PLEKHA6: variants seen among roughly 807,000 people sequenced by gnomAD.
PLEKHA6 encodes pleckstrin homology domain containing A6.
In PLEKHA6, 60 loss-of-function variants were observed where a neutral mutation model predicts 116.7. The ratio of observed to expected loss-of-function variants is 0.51; its 90% CI spans 0.42 to 0.64. The LOEUF (loss-of-function observed/expected upper bound fraction) is 0.64, where lower values mean the gene tolerates loss of function less well. PLEKHA6 is among the 30% of genes least tolerant of loss of function. PLEKHA6 has a pLI of 0.00. For synonymous variants in PLEKHA6, 489 were observed against 556.1 expected (o/e 0.88, Z 1.70); for missense variants, 1,338 against 1,422.7 (o/e 0.94, Z 0.96).
intron 2 of PLEKHA6, among the ~76,000 whole-genome samples, chr1:204,274,133 T>C (rs1667769535): frequency 6.6e-6 from 1 of 151,852 alleles, no homozygotes; most frequent in South Asian, 2.1e-4. Flanking sequence ...GGTGTCACTA[T>C]GTGGCCCAGG....
At chr1:204,302,456 T>C (rs1379799683) in intron 1 of PLEKHA6, among the ~76,000 whole-genome samples, 1 of 152,226 alleles carries the variant, frequency 6.6e-6, no homozygotes, top group Admixed American at 6.5e-5. Context: ...GAGATTCTAA[T>C]CTCTAAGAAT....
At chr1:204,308,486 T>C (rs1354729324) in intron 1 of PLEKHA6, among the ~76,000 whole-genome samples, 2 of 151,742 alleles carry the variant, frequency 1.3e-5, no homozygotes, top group Non-Finnish European at 2.9e-5. Context: ...GGACCACTGA[T>C]TGCAAGAAAA....
chr1:204,229,195 T>G, intron 18 of PLEKHA6, 91 bp from the exon 19 acceptor site: 1 of 1,275,588 alleles, frequency 7.8e-7, no homozygotes, highest in Non-Finnish European at 1.1e-6. Flanking sequence ...CCTTCCCAGC[T>G]CGCCTGATCT....
At chr1:204,234,052 T>C (rs1421652813) in intron 17 of PLEKHA6, among the ~76,000 whole-genome samples, 1 of 152,178 alleles carries the variant, frequency 6.6e-6, no homozygotes, top group Non-Finnish European at 1.5e-5. Context: ...CCCCAATACC[T>C]GTGACTGTAA....
intron 3 of PLEKHA6, among the ~76,000 whole-genome samples, chr1:204,365,160 G>A (rs988531291): frequency 1.3e-5 from 2 of 152,138 alleles, no homozygotes; most frequent in African/African-American, 4.8e-5. Context: ...TGGGAGGTGA[G>A]GCTGGGAAGG....
intron 1 of PLEKHA6, among the ~76,000 whole-genome samples, chr1:204,318,044 G>A (rs992557231): frequency 3.9e-5 from 6 of 152,174 alleles, no homozygotes; most frequent in South Asian, 2.1e-4. Context: ...GTACACGTGC[G>A]TGCATGAATA....
Position 204,245,647 on chromosome 1 carries a change from G to A in PLEKHA6, c.2000C>T (p.Pro667Leu). The change falls in exon 14 of 23, where the codon CCC (proline) becomes CTC (leucine). Residue 667 changes from proline (P) to leucine (L), a missense_variant. Coordinates refer to ENST00000272203, the MANE Select transcript of PLEKHA6 (RefSeq NM_014935.5). ...CTTGGCGGTGTCCGTGCCCCGGGAG[G>A]GGTTGTTCTTCCTCAGCCCCTCCAT... ...DVMEGLRKNN[P>L]SRGTDTAKHR... The A allele has an allele frequency of 1.9e-6, 3 of 1,613,342 alleles. No homozygotes were observed. The highest frequency in any genetic ancestry group is 2.5e-6 in the Non-Finnish European group (3 of 1,179,494).
At chr1:204,341,805 T>C (rs12119223) in intron 1 of PLEKHA6, among the ~76,000 whole-genome samples, 1 of 152,228 alleles carries the variant, frequency 6.6e-6, no homozygotes, top group Non-Finnish European at 1.5e-5. Context: ...AGATTCCAAC[T>C]GTACATATCC....
At chr1:204,304,824 A>G (rs999663749) in intron 1 of PLEKHA6, among the ~76,000 whole-genome samples, 1 of 152,190 alleles carries the variant, frequency 6.6e-6, no homozygotes, top group African/African-American at 2.4e-5. Flanking sequence ...TAGGGCAGGT[A>G]TGGAAGGGAG....
At chr1:204,302,247 G>C (rs1426746765) in intron 1 of PLEKHA6, among the ~76,000 whole-genome samples, 1 of 152,194 alleles carries the variant, frequency 6.6e-6, no homozygotes, top group Non-Finnish European at 1.5e-5. Flanking sequence ...CATGAAGCAA[G>C]TTAGAGACAA....
At chr1:204,331,453 T>A (rs1672446732) in intron 1 of PLEKHA6, among the ~76,000 whole-genome samples, 1 of 152,094 alleles carries the variant, frequency 6.6e-6, no homozygotes, top group South Asian at 2.1e-4. Flanking sequence ...AGCTGGCACC[T>A]CCCAGGCTGC....
chr1:204,230,598 G>A lies in PLEKHA6; in HGVS notation c.2410-12C>T, dbSNP rs891590604. On this transcript the variant is annotated splice_polypyrimidine_tract_variant and intron_variant, in intron 17 of 22. Coordinates refer to ENST00000272203, the MANE Select transcript of PLEKHA6 (RefSeq NM_014935.5). ...CTCTTGGGGCGTTCCTGCTGCCATG[G>A]GAAAACAGGGCTCTGACAAGTGCCT... is the stretch of plus-strand genomic sequence containing the variant. 3 of 1,592,020 alleles carry A rather than the reference G, an allele frequency of 1.9e-6. No homozygotes were observed. The highest frequency in any genetic ancestry group is 2.6e-6 in the Non-Finnish European group (3 of 1,168,920).
chr1:204,374,149 C>T (rs752810770), intron 1 of PLEKHA6, among the ~76,000 whole-genome samples: 7 of 152,184 alleles, frequency 4.6e-5, no homozygotes, highest in African/African-American at 1.4e-4. Context: ...TGGCTTGGCA[C>T]CATCTTGCAC....
At chr1:204,339,902 G>A (rs1259769575) in intron 1 of PLEKHA6, among the ~76,000 whole-genome samples, 1 of 152,126 alleles carries the variant, frequency 6.6e-6, no homozygotes, top group Non-Finnish European at 1.5e-5. Flanking sequence ...ATAAACACAG[G>A]ATTACAACTA....
intron 4 of PLEKHA6, among the ~76,000 whole-genome samples, chr1:204,267,929 G>T (rs185999049): frequency 4.0e-4 from 61 of 152,284 alleles, no homozygotes; most frequent in African/African-American, 1.4e-3. Context: ...GGAGCTAGTG[G>T]GTTGTTCCCA....
At chr1:204,278,641 C>T (rs922246227) in intron 1 of PLEKHA6, among the ~76,000 whole-genome samples, 4 of 152,220 alleles carry the variant, frequency 2.6e-5, no homozygotes, top group Admixed American at 2.6e-4. Flanking sequence ...GGGTCAACCG[C>T]TGCTGATATT....
chr1:204,219,173 A>G lies in PLEKHA6; in HGVS notation c.*3615T>C, dbSNP rs1380287088. The G allele has an allele frequency of 6.6e-6, 1 of 152,574 alleles. No individual in the cohort carries two copies. The highest frequency in any genetic ancestry group is 1.9e-4 in the East Asian group (1 of 5,190). The allele number at this position is 152,574 out of a possible 1,614,324, so 9.5% of individuals were successfully genotyped here. A position where few individuals can be genotyped will look rare whatever the true frequency, so the allele number is the denominator to read the frequency against. ...AATTTCCTTGTACAGTTTATTGTCT[A>G]ATACTAGCAAATCAAATTGGCCCCA... On this transcript the variant is annotated 3_prime_UTR_variant, in exon 23 of 23. Coordinates refer to ENST00000272203, the MANE Select transcript of PLEKHA6 (RefSeq NM_014935.5).
In PLEKHA6 at chr1:204,255,749, TA is replaced by T. The variant is rs369672416; in HGVS notation, c.1524+1603del. 8.4e-5 allele frequency: 58 copies of T among 694,396 alleles called. No individual in the cohort carries two copies. The East Asian group carries it at 1.5e-3, about 17-fold the overall frequency. 43.0% of individuals were successfully genotyped at this position (694,396 alleles called of 1,614,324 possible). On this transcript the variant is annotated intron_variant, in intron 9 of 22. Coordinates refer to ENST00000272203, the MANE Select transcript of PLEKHA6 (RefSeq NM_014935.5). ...AACAGGAACACACAAAAGAAAACAA[TA>T]AAAAAAGAAGCAAAGCAGTTAAGAG...
At chr1:204,284,731 T>A (rs528630452) in intron 1 of PLEKHA6, among the ~76,000 whole-genome samples, 5 of 152,134 alleles carry the variant, frequency 3.3e-5, no homozygotes, top group Non-Finnish European at 5.9e-5. Flanking sequence ...GTGTGGATTG[T>A]CCTTAAGGAA....
Sources: allele counts gnomAD v4.1 joint callset (sites outside exome capture counted in the v4.1 genomes callset), GRCh38; gene constraint gnomAD v4.1.1; transcripts MANE v1.5; gene names NCBI Gene and HGNC (gene_info 2026-07-23, HGNC 2026-07-21).